Variants in PTGS1 observed in about 807,000 individuals in gnomAD.
The protein encoded by PTGS1 is prostaglandin G/H synthase 1.
In PTGS1, 40 loss-of-function variants were observed where a neutral mutation model predicts 63.0. That is an observed-to-expected ratio of 0.63 (90% CI 0.49 to 0.83). PTGS1 has a LOEUF of 0.83. PTGS1 is among the 40% of genes least tolerant of loss of function. The pLI, the probability that PTGS1 is intolerant of heterozygous loss-of-function variation, is 0.00. For missense variants in PTGS1, 709 were observed against 786.5 expected, an observed-to-expected ratio of 0.90 and a Z score of 1.18; for synonymous variants, 298 against 301.9, an observed-to-expected ratio of 0.99 and a Z score of 0.13.
intron 9 of PTGS1, among the ~76,000 whole-genome samples, chr9:122,389,166 T>C (rs1838051297): frequency 6.7e-6 from 1 of 148,446 alleles, no homozygotes; most frequent in African/African-American, 2.5e-5. Flanking sequence ...TTTTTTTTTT[T>C]TTGAGATACA....
chr9:122,386,418 ACCC>A, intron 8 of PTGS1, 25 bp from the exon 9 acceptor site: 1 of 1,609,632 alleles, frequency 6.2e-7, no homozygotes, highest in Non-Finnish European at 8.5e-7. Context: ...TGCTTGGCTG[ACCC>A]TATTTCCAAT....
intron 10 of PTGS1, among the ~76,000 whole-genome samples, chr9:122,390,971 C>T (rs966565269): frequency 1.3e-5 from 2 of 151,910 alleles, no homozygotes; most frequent in Admixed American, 6.6e-5. Context: ...GTGGCTGGGG[C>T]AAGGAGCTTA....
intron 3 of PTGS1, 138 bp from the exon 4 acceptor site, chr9:122,378,295 G>T: frequency 2.4e-6 from 3 of 1,235,260 alleles, no homozygotes; most frequent in Non-Finnish European, 3.4e-6. Context: ...TTGCTCCCAA[G>T]GTTCCATCCT....
chr9:122,373,574 C>A (rs1836932200), intron 2 of PTGS1, among the ~76,000 whole-genome samples: 1 of 152,222 alleles, frequency 6.6e-6, no homozygotes, highest in Non-Finnish European at 1.5e-5. Flanking sequence ...CAGTGCCCAT[C>A]TTCTAGATGG....
chr9:122,394,458 T>C lies in PTGS1; in HGVS notation c.*1914T>C, dbSNP rs1023349492. 2.0e-5 allele frequency: 3 copies of C among 152,256 alleles called. No individual in the cohort carries two copies. Among genetic ancestry groups the C allele is most frequent in the African/African-American group, 7.2e-5 (3 of 41,464 alleles). The allele number at this position is 152,256 out of a possible 1,614,324, so 9.4% of individuals were successfully genotyped here. A position where few individuals can be genotyped will look rare whatever the true frequency, so the allele number is the denominator to read the frequency against. ...CCTCTGCTGAATGCAGGGAATGCAA[T>C]CCTTCCCTGCTCTTGCAGTTGCTCT... On this transcript the variant is annotated 3_prime_UTR_variant, in exon 11 of 11. Coordinates refer to ENST00000362012, the MANE Select transcript of PTGS1 (RefSeq NM_000962.4).
At chr9:122,373,592 G>T (rs1345942573) in intron 2 of PTGS1, among the ~76,000 whole-genome samples, 1 of 152,220 alleles carries the variant, frequency 6.6e-6, no homozygotes, top group Non-Finnish European at 1.5e-5. Context: ...TGGGGATAGG[G>T]CATGACCTGG....
In PTGS1 at chr9:122,375,994, C is replaced by T. The variant is rs566591505; in HGVS notation, c.95-1905C>T. On this transcript the variant is annotated intron_variant, in intron 2 of 10. Coordinates refer to ENST00000362012, the MANE Select transcript of PTGS1 (RefSeq NM_000962.4). ...CTGGGCAGTGGGTGCTACAGGGGCT[C>T]CTGGGCAGGTGAGAGAGCCAGGCCA... Among the ~76,000 whole-genome samples the T allele has an allele frequency of 5.9e-5, 9 of 152,094 alleles. 1 individual carries two copies. The South Asian group carries it at 1.9e-3, about 32-fold the overall frequency.
At chr9:122,379,342 AAG>A (rs757691097) in intron 5 of PTGS1, among the ~76,000 whole-genome samples, 2 of 152,164 alleles carry the variant, frequency 1.3e-5, no homozygotes, top group Non-Finnish European at 2.9e-5. Context: ...TTCGTTACTC[AAG>A]ACTTCACTTA....
At chr9:122,378,046 C>A (rs76942158) in intron 3 of PTGS1, 31 bp downstream of exon 3, 1 of 1,580,622 alleles carries the variant, frequency 6.3e-7, no homozygotes, top group Admixed American at 1.7e-5. Context: ...TCACTCCTTC[C>A]GTCTTGAGCC....
At chr9:122,374,001 C>T (rs529460922) in intron 2 of PTGS1, among the ~76,000 whole-genome samples, 1 of 152,296 alleles carries the variant, frequency 6.6e-6, no homozygotes, top group Admixed American at 6.5e-5. Flanking sequence ...CCTGGCTGTG[C>T]CTGTCCCCTA....
rs755471333 is a variant in PTGS1, at chr9:122,381,361, C to G, written c.497-10C>G. 3 of 1,613,252 alleles carry G rather than the reference C, an allele frequency of 1.9e-6. No individual in the cohort carries two copies. Among genetic ancestry groups the G allele is most frequent in the South Asian group, 2.2e-5 (2 of 90,888 alleles). On this transcript the variant is annotated splice_polypyrimidine_tract_variant and intron_variant, in intron 5 of 10. Transcript: ENST00000362012. ...GGAGAAGCTACTGCTGTTTCCTACC[C>G]CCCAACCAGGGAAGAAGCAGTTGCC...
At chr9:122,379,028 G>C in intron 5 of PTGS1, 110 bp downstream of exon 5, 1 of 1,423,076 alleles carries the variant, frequency 7.0e-7, no homozygotes, top group South Asian at 1.4e-5. Flanking sequence ...CAGATGGCTA[G>C]ACCAAGGCAA....
intron 2 of PTGS1, among the ~76,000 whole-genome samples, chr9:122,375,740 A>G (rs1465582465): frequency 6.6e-6 from 1 of 152,066 alleles, no homozygotes; most frequent in Non-Finnish European, 1.5e-5. Context: ...GAGGAAATGT[A>G]TTAAGGAGGC....
At chr9:122,384,552 G>C (rs550892645) in intron 8 of PTGS1, among the ~76,000 whole-genome samples, 36 of 152,316 alleles carry the variant, frequency 2.4e-4, no homozygotes, top group African/African-American at 8.7e-4. Flanking sequence ...ACTGGCTGGA[G>C]ATGAAGCTGT....
chr9:122,378,041 C>T lies in PTGS1; in HGVS notation c.211+26C>T, dbSNP rs765896484. On this transcript the variant is annotated intron_variant, in intron 3 of 10. Coordinates refer to ENST00000362012, the MANE Select transcript of PTGS1 (RefSeq NM_000962.4). ...GTGAGCTGGGCCTTCAGCCCTCACT[C>T]CTTCCGTCTTGAGCCCTTCTGCTCC... The T allele has an allele frequency of 1.3e-5, 21 of 1,592,474 alleles. No individual in the cohort carries two copies. In the Admixed American group the frequency reaches 3.3e-4, roughly 25 times the overall value.
chr9:122,378,960 T>C (rs12555242), intron 5 of PTGS1, 42 bp downstream of exon 5: 58,994 of 1,608,816 alleles, frequency 0.037, 1,449 homozygotes, highest in South Asian at 0.11. Context: ...TTACAGGAGG[T>C]GCTCAGTTCT....
At chr9:122,371,952 C>A in intron 2 of PTGS1, 3 of 778,648 alleles carry the variant, frequency 3.9e-6, no homozygotes, top group Admixed American at 2.2e-5. Flanking sequence ...CTTCTACCCA[C>A]AATGGACCCG....
intron 2 of PTGS1, 73 bp from the exon 3 acceptor site, chr9:122,377,826 C>T: frequency 1.5e-6 from 2 of 1,314,532 alleles, no homozygotes; most frequent in Non-Finnish European, 1.1e-6. Flanking sequence ...GCCCCTCATT[C>T]CCCCATCAGG....
rs189207093 is a variant in PTGS1 at position 122,378,525 on chromosome 9, G to A, written c.304G>A (p.Val102Ile). 24 of 1,614,236 alleles carry A rather than the reference G, an allele frequency of 1.5e-5. No individual in the cohort carries two copies. The highest frequency in any genetic ancestry group is 1.9e-5 in the Non-Finnish European group (22 of 1,180,046). Residue 102 changes from valine to isoleucine, a missense_variant, in exon 4 of 11, where the codon GTC becomes ATC. Physicochemically the swap from Val to Ile is conservative, Grantham distance 29. Coordinates refer to ENST00000362012, the MANE Select transcript of PTGS1 (RefSeq NM_000962.4). ...LTHGRWFWEF[V>I]NATFIREMLM... ...TCACGGGCGCTGGTTCTGGGAGTTT[G>A]TCAATGCCACCTTCATCCGAGAGAT...
Sources: gnomAD v4.1 joint callset for allele counts (sites outside exome capture counted in the v4.1 genomes callset) on GRCh38, gnomAD v4.1.1 for gene constraint, MANE v1.5 for transcripts, NCBI Gene and HGNC (gene_info 2026-07-23, HGNC 2026-07-21) for gene names.